Variants in MACF1 observed in about 807,000 individuals in gnomAD.
MACF1 encodes the protein microtubule actin crosslinking factor 1.
In MACF1, 193 loss-of-function variants were observed where a neutral mutation model predicts 854.8. The ratio of observed to expected loss-of-function variants is 0.23; its 90% CI spans 0.20 to 0.25. The LOEUF is 0.25. MACF1 is among the 10% of genes least tolerant of loss of function. The pLI, the probability that MACF1 is intolerant of heterozygous loss-of-function variation, is 1.00. For missense variants in MACF1, 7,722 were observed against 8,929.1 expected (o/e 0.86, Z 5.45); for synonymous variants, 3,185 against 3,226.7 (o/e 0.99, Z 0.44).
intron 2 of MACF1, among the ~76,000 whole-genome samples, chr1:39,239,920 G>T (rs866725569): frequency 6.6e-6 from 1 of 152,096 alleles, no homozygotes; most frequent in South Asian, 2.1e-4. Flanking sequence ...CCGTCCGTCC[G>T]TCTTTCTGTC....
At position 39,317,359 on chromosome 1, in the gene MACF1, C is replaced by A. The variant is rs1339519553; in HGVS notation, c.3734C>A (p.Ser1245Tyr). Residue 1245 changes from serine to tyrosine, a missense_variant, in exon 29 of 101, where the codon TCC becomes TAC. Around this residue, in one of 15 missense-constraint regions of MACF1, gnomAD observed 1,137 missense variants for 1,263.0 expected, o/e 0.90. Coordinates refer to ENST00000564288, the MANE Select transcript of MACF1 (RefSeq NM_001394062.1). ...TTGGAGCGCTATCAGGAAAAAGGCT[C>A]CCAGCTGCAGGAGCGTTGGCACCGA... ...LDLERYQEKGSQLQERWHRVI... is the reference protein window; with the variant it reads ...LDLERYQEKGYQLQERWHRVI... 11 of 1,613,584 alleles carry A rather than the reference C, an allele frequency of 6.8e-6. No homozygotes were observed. The highest frequency in any genetic ancestry group is 9.3e-6 in the Non-Finnish European group (11 of 1,179,936).
intron 33 of MACF1, among the ~76,000 whole-genome samples, chr1:39,323,342 C>T (rs922303530): frequency 2.0e-5 from 3 of 151,808 alleles, no homozygotes; most frequent in African/African-American, 7.3e-5. Context: ...CAAAAAAAAG[C>T]CCAAAATATC....
At chr1:39,126,136 A>G (rs976600439) in intron 2 of MACF1, among the ~76,000 whole-genome samples, 1 of 152,158 alleles carries the variant, frequency 6.6e-6, no homozygotes, top group African/African-American at 2.4e-5. Context: ...TGGCTTAAAC[A>G]ACAGATATTT....
chr1:39,121,637 G>A (rs145893204), intron 2 of MACF1, among the ~76,000 whole-genome samples: 31 of 152,202 alleles, frequency 2.0e-4, no homozygotes, highest in Middle Eastern at 6.8e-3. Flanking sequence ...TAGTAGAGAC[G>A]GGGTTTCGCC....
intron 58 of MACF1, chr1:39,412,312 C>T: frequency 6.2e-7 from 1 of 1,613,952 alleles, no homozygotes. Flanking sequence ...AGATGAAATT[C>T]ATTTGGAAAG....
intron 49 of MACF1, among the ~76,000 whole-genome samples, chr1:39,366,678 T>G (rs1648739439): frequency 2.0e-5 from 3 of 150,258 alleles, no homozygotes; most frequent in African/African-American, 7.4e-5. Context: ...GTTGATTATC[T>G]TGGGTTTTAC....
rs777854107 is a variant in MACF1 at position 39,414,548 on chromosome 1, G to T, written c.15817-7826G>T. ...AGATTTGCAGGGCTGACCTGGTGGT[G>T]ATGAGAAATGGCACAGATAGTTCTT... is the stretch of plus-strand genomic sequence containing the variant. On this transcript the variant is annotated intron_variant, in intron 58 of 100. Coordinates refer to ENST00000564288, the MANE Select transcript of MACF1 (RefSeq NM_001394062.1). 2.5e-6 allele frequency: 4 copies of T among 1,590,874 alleles called. No homozygotes were observed. The South Asian group carries it at 3.4e-5, about 14-fold the overall frequency.
At position 39,331,606 on chromosome 1, in the gene MACF1, A is replaced by G. The variant is rs536284672; in HGVS notation, c.5018A>G (p.Glu1673Gly). The G allele has an allele frequency of 3.1e-6, 5 of 1,614,038 alleles. No individual in the cohort carries two copies. The highest frequency in any genetic ancestry group is 4.2e-6 in the Non-Finnish European group (5 of 1,180,016). The change falls in exon 37 of 101, where the codon GAA becomes GGA. Residue 1673 changes from glutamate (E) to glycine (G), a missense_variant. Glu to Gly is a moderately conservative substitution (Grantham distance 98, BLOSUM62 -2). Around this residue, in one of 15 missense-constraint regions of MACF1, gnomAD observed 1,531 missense variants for 1,601.6 expected, o/e 0.96. Transcript: ENST00000564288. ...CCTAGTGAGAACTGTATTAACCTGG[A>G]AGAGGCTTTTCATCAAGGCCTCATT... ...LSPSENCINL[E>G]EAFHQGLISA...
intron 96 of MACF1, 26 bp downstream of exon 96, chr1:39,468,758 T>C (rs1245138276): frequency 6.3e-7 from 1 of 1,582,272 alleles, no homozygotes; most frequent in Non-Finnish European, 8.7e-7. Context: ...AAGCATGAAT[T>C]ACGTGTTAGG....
chr1:39,477,112 CTT>C, intron 97 of MACF1, among the ~76,000 whole-genome samples: 1 of 83,352 alleles, frequency 1.2e-5, no homozygotes, highest in South Asian at 4.3e-4. Flanking sequence ...CATATATACA[CTT>C]AGTGTATATA....
rs548173049 is a variant in MACF1, at chr1:39,093,981, G to A, written c.220+9543G>A. Among the ~76,000 whole-genome samples the A allele has an allele frequency of 2.1e-4, 32 of 151,540 alleles. No individual in the cohort carries two copies. The South Asian group carries it at 3.3e-3, about 16-fold the overall frequency. ...TGTAGTAGAAATGGGGTTTCACCGC[G>A]TTGGCCAGGCTGGTCTCGAACTCCT... On this transcript the variant is annotated intron_variant, in intron 2 of 93. Transcript: ENST00000361689.
intron 2 of MACF1, among the ~76,000 whole-genome samples, chr1:39,188,023 T>C (rs1021358436): frequency 2.8e-5 from 4 of 144,180 alleles, no homozygotes; most frequent in Non-Finnish European, 4.6e-5. Context: ...TTTTCTTTTT[T>C]CCTCTGCATC....
At position 39,208,773 on chromosome 1, in the gene MACF1, C is replaced by T. The variant is rs543549889; in HGVS notation, c.109+3642C>T. ...CTGAGTAGCTGGGATTACAGGCGCACGCCACCACACCCTGCTAATTTTTGT... is the reference window on the plus strand; with the variant it reads ...CTGAGTAGCTGGGATTACAGGCGCATGCCACCACACCCTGCTAATTTTTGT... On this transcript the variant is annotated intron_variant, in intron 1 of 100. Coordinates refer to ENST00000564288, the MANE Select transcript of MACF1 (RefSeq NM_001394062.1). 5.9e-5 allele frequency among the ~76,000 whole-genome samples: 9 copies of T among 152,024 alleles called. No homozygotes were observed. The East Asian group carries it at 1.6e-3, about 26-fold the overall frequency.
At chr1:39,287,740 G>A in intron 15 of MACF1, 178 bp downstream of exon 15, 1 of 659,980 alleles carries the variant, frequency 1.5e-6, no homozygotes, top group South Asian at 2.0e-5. Flanking sequence ...CTCCTGGGCT[G>A]AAGTGATCCT....
intron 2 of MACF1, among the ~76,000 whole-genome samples, chr1:39,131,913 G>A (rs1457084130): frequency 6.6e-6 from 1 of 152,120 alleles, no homozygotes; most frequent in Non-Finnish European, 1.5e-5. Context: ...TCCTGAGTAT[G>A]TGGAATTACA....
chr1:39,283,333 A>G lies in MACF1; in HGVS notation c.808+32A>G, dbSNP rs1450620863. The G allele has an allele frequency of 6.3e-7, 1 of 1,586,616 alleles. No individual in the cohort carries two copies. Among genetic ancestry groups the G allele is most frequent in the East Asian group, 2.2e-5 (1 of 44,738 alleles). On this transcript the variant is annotated intron_variant, in intron 8 of 100. Transcript: ENST00000564288. This position sits in a 1 kb window ranked among gnomAD's most constrained non-coding sequence, Gnocchi z 4.5. ...GGGAGTTTACTGAACTTGAGTAAGG[A>G]ACACGTATTCAGTATTCCTTCTTCT...
chr1:39,329,475 GATCAGCTCTT>G (rs1393336596), intron 36 of MACF1, among the ~76,000 whole-genome samples: 2 of 152,108 alleles, frequency 1.3e-5, no homozygotes, highest in Admixed American at 1.3e-4. Context: ...ATGGACAATG[GATCAGCTCTT>G]ACAGAACTTA....
At chr1:39,231,158 G>A in intron 1 of MACF1, 24 bp from the exon 2 acceptor site, 1 of 1,610,170 alleles carries the variant, frequency 6.2e-7, no homozygotes, top group South Asian at 1.1e-5. Flanking sequence ...CTAAGCCAGT[G>A]CCTTCTCTGT....
intron 58 of MACF1, chr1:39,410,153 G>A (rs2148611244): frequency 4.1e-6 from 3 of 727,962 alleles, no homozygotes; most frequent in Non-Finnish European, 6.4e-6. Flanking sequence ...GATGCAATTG[G>A]TGGTTTGGGG....
Sources: gnomAD v4.1 joint callset for allele counts (sites outside exome capture counted in the v4.1 genomes callset) on GRCh38, gnomAD v4.1.1 for gene constraint, gnomAD v4.1.1 regional missense constraint, Gnocchi (gnomAD v3.1) non-coding constraint, MANE v1.5 for transcripts, NCBI Gene and HGNC (gene_info 2026-07-23, HGNC 2026-07-21) for gene names.